The following PEX5L variants were observed in gnomAD, a reference collection of about 807,000 sequenced individuals.
PEX5L encodes peroxisomal biogenesis factor 5 like, also known as PEX5-related protein.
Under a neutral mutation model 84.0 loss-of-function variants are expected in PEX5L, and 30 were observed. That is an observed-to-expected ratio of 0.36 (90% CI 0.27 to 0.48). PEX5L has a LOEUF of 0.48. PEX5L is among the 20% of genes least tolerant of loss of function. The pLI is 0.99. For synonymous variants in PEX5L, 270 were observed against 283.1 expected, an observed-to-expected ratio of 0.95 and a Z score of 0.46; for missense variants, 533 against 754.6, an observed-to-expected ratio of 0.71 and a Z score of 3.44.
intron 3 of PEX5L, among the ~76,000 whole-genome samples, chr3:179,888,653 T>TG (rs888692420): frequency 6.8e-6 from 1 of 147,416 alleles, no homozygotes; most frequent in African/African-American, 2.5e-5. Flanking sequence ...CTGTTTTTTT[T>TG]GGGGGGGGTG....
intron 3 of PEX5L, among the ~76,000 whole-genome samples, chr3:179,889,779 T>C (rs970560085): frequency 6.6e-6 from 1 of 152,200 alleles, no homozygotes; most frequent in Non-Finnish European, 1.5e-5. Flanking sequence ...TATTTTTAAA[T>C]GTTGAGGGAC....
chr3:179,815,029 C>T (rs528663258), intron 10 of PEX5L, among the ~76,000 whole-genome samples: 5 of 152,178 alleles, frequency 3.3e-5, no homozygotes, highest in African/African-American at 1.2e-4. Context: ...AGTCTCTCAG[C>T]ATCCTGTGCA....
chr3:180,035,398 A>T (rs992392450), intron 1 of PEX5L, among the ~76,000 whole-genome samples: 1 of 152,216 alleles, frequency 6.6e-6, no homozygotes, highest in African/African-American at 2.4e-5. Context: ...ATCAAATGTG[A>T]TATAATCACA....
intron 1 of PEX5L, chr3:179,973,495 C>T: frequency 2.1e-6 from 2 of 960,284 alleles, no homozygotes; most frequent in South Asian, 9.6e-5. Flanking sequence ...ACTGTTGTTC[C>T]CATTTAATGT....
intron 2 of PEX5L, among the ~76,000 whole-genome samples, chr3:179,962,114 T>C (rs1782224964): frequency 1.8e-5 from 1 of 55,290 alleles, no homozygotes; most frequent in African/African-American, 4.9e-5. Context: ...TTATGAAGAG[T>C]TAGGAGGTAT....
At chr3:179,808,488 A>C in intron 12 of PEX5L, 51 bp from the exon 13 acceptor site, 1 of 1,251,482 alleles carries the variant, frequency 8.0e-7, no homozygotes, top group African/African-American at 1.5e-5. Context: ...TCAGAACATA[A>C]ATGATTTACT....
At chr3:179,834,993 G>A (rs745697773) in intron 8 of PEX5L, among the ~76,000 whole-genome samples, 2 of 152,118 alleles carry the variant, frequency 1.3e-5, no homozygotes, top group East Asian at 1.9e-4. Context: ...CAAGACACAC[G>A]AAGACATAGA....
intron 1 of PEX5L, among the ~76,000 whole-genome samples, chr3:180,009,557 G>T (rs6789142): frequency 0.17 from 25,541 of 151,592 alleles, 2,959 homozygotes; most frequent in African/African-American, 0.33. Flanking sequence ...ATGAGTTACT[G>T]AAAAAATTTT....
At chr3:179,840,240 G>A (rs1455753611) in intron 8 of PEX5L, among the ~76,000 whole-genome samples, 2 of 138,736 alleles carry the variant, frequency 1.4e-5, no homozygotes, top group Admixed American at 1.5e-4. Context: ...CCAGGTTGGA[G>A]TGCAGTGGCA....
chr3:179,816,600 TA>T (rs943161652), intron 9 of PEX5L, among the ~76,000 whole-genome samples: 7 of 151,858 alleles, frequency 4.6e-5, no homozygotes, highest in African/African-American at 1.7e-4. Context: ...GGTCGGGGGC[TA>T]GGGGAGGGAT....
intron 2 of PEX5L, among the ~76,000 whole-genome samples, chr3:179,909,305 A>G (rs9822592): frequency 0.13 from 19,118 of 152,144 alleles, 1,350 homozygotes; most frequent in African/African-American, 0.15. Flanking sequence ...AATAAAATAA[A>G]CTGAAAAATA....
At chr3:180,028,607 A>G (rs1374375805) in intron 1 of PEX5L, among the ~76,000 whole-genome samples, 1 of 152,226 alleles carries the variant, frequency 6.6e-6, no homozygotes, top group Non-Finnish European at 1.5e-5. Context: ...ATAATATACC[A>G]GGGTAAGGCA....
intron 9 of PEX5L, among the ~76,000 whole-genome samples, chr3:179,819,210 C>G (rs1296940910): frequency 6.6e-6 from 1 of 151,998 alleles, no homozygotes; most frequent in African/African-American, 2.4e-5. Context: ...ACACTTATTC[C>G]TCAGTGTTCC....
chr3:179,917,333 C>CTT (rs879717616), intron 2 of PEX5L, among the ~76,000 whole-genome samples: 3 of 147,890 alleles, frequency 2.0e-5, no homozygotes, highest in African/African-American at 7.5e-5. Flanking sequence ...TTACAGCTAA[C>CTT]TTTTTTTTTT....
chr3:179,825,941 T>C (rs540243376), intron 8 of PEX5L, among the ~76,000 whole-genome samples: 2 of 152,194 alleles, frequency 1.3e-5, no homozygotes, highest in Admixed American at 6.5e-5. Context: ...ACTATGTGAA[T>C]TGTGTGGTTC....
At position 179,815,942 on chromosome 3, in the gene PEX5L, T is replaced by C. The variant is rs1248355382; in HGVS notation, c.1002A>G (p.Leu334=). The change falls in exon 10 of 15, where the codon TTA becomes TTG. Residue 334 remains leucine, a synonymous_variant. Coordinates refer to ENST00000467460, the MANE Select transcript of PEX5L (RefSeq NM_016559.3). ...GCAGATCCCCTTCCTTCAGCCTTTT[T>C]AAGCCTTCTTCAAATGCTCCAGGCC... ...KDWPGAFEEG[L]KRLKEGDLPV... 1.2e-6 allele frequency: 2 copies of C among 1,614,072 alleles called. No homozygotes were observed. Among genetic ancestry groups the C allele is most frequent in the Non-Finnish European group, 8.5e-7 (1 of 1,180,004 alleles).
intron 8 of PEX5L, among the ~76,000 whole-genome samples, chr3:179,838,840 C>T (rs3774235): frequency 0.26 from 39,861 of 151,772 alleles, 6,245 homozygotes; most frequent in East Asian, 0.72. Context: ...AAGAAGGAAA[C>T]GCTTTATATA....
chr3:179,871,913 G>A (rs1011298518), intron 7 of PEX5L, among the ~76,000 whole-genome samples: 1 of 152,128 alleles, frequency 6.6e-6, no homozygotes, highest in Non-Finnish European at 1.5e-5. Context: ...TTGAGACAGG[G>A]TGTTGCTCTG....
At chr3:179,958,535 T>C (rs1218832718) in intron 2 of PEX5L, among the ~76,000 whole-genome samples, 1 of 152,212 alleles carries the variant, frequency 6.6e-6, no homozygotes, top group African/African-American at 2.4e-5. Flanking sequence ...TTGTTATCAT[T>C]AGTCTTTTAA....
Sources: gnomAD v4.1 joint callset for allele counts (sites outside exome capture counted in the v4.1 genomes callset) on GRCh38, gnomAD v4.1.1 for gene constraint, MANE v1.5 for transcripts, NCBI Gene and HGNC (gene_info 2026-07-23, HGNC 2026-07-21) for gene names.